Variants in PALM2AKAP2 observed in about 807,000 individuals in gnomAD.
PALM2AKAP2 encodes the protein PALM2 and AKAP2 fusion, also known as PALM2-AKAP2 fusion protein.
A neutral mutation model predicts 71.5 loss-of-function variants in PALM2AKAP2; 37 were observed. That is an observed-to-expected ratio of 0.52 (90% CI 0.40 to 0.68). The LOEUF is 0.68. Ranked by LOEUF, PALM2AKAP2 falls within the 30% of genes least tolerant of loss-of-function variation. The probability of loss-of-function intolerance (pLI) is 0.00; values close to 1 mark genes in which losing one functional copy is unlikely to be tolerated. For missense variants in PALM2AKAP2, 1,224 were observed against 1,191.8 expected (o/e 1.03, Z -0.40); for synonymous variants, 468 against 478.8 (o/e 0.98, Z 0.29).
At position 109,880,531 on chromosome 9, in the gene PALM2AKAP2, G is replaced by A; in HGVS notation, c.127-20G>A. On this transcript the variant is annotated intron_variant, in intron 2 of 9. Transcript: ENST00000302798. The stretch of plus-strand genomic sequence containing the variant: ...ACTGAAAAGTATCATCTTGTCTGTT[G>A]TCTTCCCTCACTTCCACAGTCCAAA... The A allele has an allele frequency of 6.2e-7, 1 of 1,611,872 alleles. No homozygotes were observed. Among genetic ancestry groups the A allele is most frequent in the African/African-American group, 1.3e-5 (1 of 74,980 alleles).
upstream of PALM2AKAP2, chr9:109,780,188 G>C: frequency 1.4e-6 from 1 of 723,416 alleles, no homozygotes; most frequent in Non-Finnish European, 1.7e-6. Context: ...CCCTCCCGGC[G>C]GCTGCCGGCG....
At chr9:109,965,791 AG>A (rs1337883892) in intron 6 of PALM2AKAP2, among the ~76,000 whole-genome samples, 1 of 152,162 alleles carries the variant, frequency 6.6e-6, no homozygotes, top group Non-Finnish European at 1.5e-5. Context: ...GAAGATACTC[AG>A]GGGGAAAAAA....
intron 1 of PALM2AKAP2, among the ~76,000 whole-genome samples, chr9:109,728,766 AC>A (rs758018401): frequency 2.0e-5 from 3 of 151,824 alleles, no homozygotes; most frequent in Admixed American, 6.6e-5. Flanking sequence ...AAACCACACC[AC>A]CCCCATTGTG....
intron 1 of PALM2AKAP2, among the ~76,000 whole-genome samples, chr9:109,690,338 T>C (rs901509763): frequency 6.6e-6 from 1 of 152,358 alleles, no homozygotes; most frequent in South Asian, 2.1e-4. Context: ...TTTTTCTTTT[T>C]AGGATATTGG....
rs139078232 is a variant in PALM2AKAP2, at chr9:109,926,392, C to G, written c.394+1310C>G. Among the ~76,000 whole-genome samples, 891 of 152,240 alleles carry G rather than the reference C, an allele frequency of 5.9e-3. 11 individuals are homozygous for G. The highest frequency in any genetic ancestry group is 0.02 in the African/African-American group (847 of 41,532). ...ACATGTAGGCAGGGCCAAGTCATGT[C>G]CAAGCTAGCAAGGACTCTAGGAAAA... is the stretch of plus-strand genomic sequence containing the variant. On this transcript the variant is annotated intron_variant, in intron 5 of 9. Transcript: ENST00000302798.
chr9:109,671,555 C>T (rs924737926), intron 1 of PALM2AKAP2, among the ~76,000 whole-genome samples: 38 of 152,134 alleles, frequency 2.5e-4, no homozygotes, highest in Admixed American at 2.4e-3. Context: ...CAGCTTTGTT[C>T]TTTTTGCTTA....
chr9:109,840,273 C>A (rs945743589), intron 1 of PALM2AKAP2, among the ~76,000 whole-genome samples: 3 of 152,118 alleles, frequency 2.0e-5, no homozygotes, highest in Non-Finnish European at 2.9e-5. Flanking sequence ...GGAAAGGATT[C>A]CCTATTTAAT....
chr9:110,113,047 C>A (rs1228509617), intron 1 of PALM2AKAP2, among the ~76,000 whole-genome samples: 1 of 152,184 alleles, frequency 6.6e-6, no homozygotes, highest in African/African-American at 2.4e-5. Context: ...AGCTCTGTGA[C>A]AGGCTTTGTA....
Position 109,951,989 on chromosome 9 carries a change from G to C in PALM2AKAP2, c.496+19961G>C, listed in dbSNP as rs112376454. 2.9e-3 allele frequency among the ~76,000 whole-genome samples: 442 copies of C among 152,318 alleles called. 2 individuals are homozygous for C. The highest frequency in any genetic ancestry group is 9.8e-3 in the African/African-American group (408 of 41,558). On this transcript the variant is annotated intron_variant, in intron 6 of 9. Transcript: ENST00000302798. ...CAGGGTTCATCTGGTGCAGTCTGCTGTTTAAGAGCATCTGAAGACACGTGG... is the reference window on the plus strand; with the variant it reads ...CAGGGTTCATCTGGTGCAGTCTGCTCTTTAAGAGCATCTGAAGACACGTGG...
chr9:109,920,768 T>G (rs769005151), intron 3 of PALM2AKAP2, among the ~76,000 whole-genome samples: 3 of 151,788 alleles, frequency 2.0e-5, no homozygotes, highest in Non-Finnish European at 2.9e-5. Flanking sequence ...AGGCCAGGTG[T>G]GGTGGCTCAT....
chr9:109,825,059 C>G (rs909710263), intron 1 of PALM2AKAP2, among the ~76,000 whole-genome samples: 2 of 152,148 alleles, frequency 1.3e-5, no homozygotes, highest in Admixed American at 6.5e-5. Context: ...GTACACATTT[C>G]CAAAGAATTT....
chr9:109,736,766 C>G (rs189483240), intron 1 of PALM2AKAP2, among the ~76,000 whole-genome samples: 1 of 152,066 alleles, frequency 6.6e-6, no homozygotes, highest in African/African-American at 2.4e-5. Flanking sequence ...TCCACTCTCC[C>G]GCCATCCCAC....
rs1413431800 is a variant in PALM2AKAP2 at position 110,011,136 on chromosome 9, G to A, written c.497-4818G>A. ...TATTCTCTGTCTAGAATATATAAAT[G>A]TATATATGTGGAGAATATGTGTAAT... On this transcript the variant is annotated intron_variant, in intron 6 of 9. Coordinates refer to the PALM2AKAP2 transcript ENST00000302798. 7.1e-5 allele frequency among the ~76,000 whole-genome samples: 10 copies of A among 140,928 alleles called. No individual in the cohort carries two copies. In the South Asian group the frequency reaches 2.0e-3, roughly 28 times the overall value. The allele number at this position is 140,928 out of a possible 152,430, so 92.5% of individuals were successfully genotyped here.
intron 7 of PALM2AKAP2, among the ~76,000 whole-genome samples, chr9:110,029,830 A>G (rs929879516): frequency 6.6e-6 from 1 of 152,226 alleles, no homozygotes; most frequent in Non-Finnish European, 1.5e-5. Context: ...TAATGTCTGA[A>G]TAAATTACCA....
chr9:109,756,093 A>G (rs1404836191), intron 1 of PALM2AKAP2, among the ~76,000 whole-genome samples: 2 of 152,174 alleles, frequency 1.3e-5, no homozygotes, highest in African/African-American at 4.8e-5. Flanking sequence ...ATATATAGTT[A>G]TAACACTTTT....
intron 1 of PALM2AKAP2, among the ~76,000 whole-genome samples, chr9:110,054,477 A>G (rs563536293): frequency 6.6e-6 from 1 of 152,354 alleles, no homozygotes; most frequent in South Asian, 2.1e-4. Flanking sequence ...TTGTACATGT[A>G]TTCCTCCTAA....
intron 1 of PALM2AKAP2, among the ~76,000 whole-genome samples, chr9:109,835,351 G>A (rs926045952): frequency 4.0e-5 from 6 of 149,438 alleles, no homozygotes; most frequent in Admixed American, 1.3e-4. Flanking sequence ...TAGAGGAAAG[G>A]GTGGAGGGAT....
chr9:110,140,533 T>A (rs573710589), intron 2 of PALM2AKAP2, among the ~76,000 whole-genome samples: 2 of 152,378 alleles, frequency 1.3e-5, no homozygotes, highest in East Asian at 3.9e-4. Context: ...CACATCTCTC[T>A]TGAAAACCAT....
chr9:110,028,103 T>A (rs533619203), intron 7 of PALM2AKAP2, among the ~76,000 whole-genome samples: 39 of 152,352 alleles, frequency 2.6e-4, no homozygotes, highest in Admixed American at 2.3e-3. Context: ...ATATCGGTAC[T>A]ATATGGGTCA....
Sources: allele counts gnomAD v4.1 joint callset (sites outside exome capture counted in the v4.1 genomes callset), GRCh38; gene constraint gnomAD v4.1.1; transcripts MANE v1.5; gene names NCBI Gene and HGNC (gene_info 2026-07-23, HGNC 2026-07-21).